FAM13B: variants seen among roughly 807,000 people sequenced by gnomAD.
FAM13B encodes family with sequence similarity 13 member B, also known as protein FAM13B.
In FAM13B, 60 loss-of-function variants were observed where a neutral mutation model predicts 117.3. That is an observed-to-expected ratio of 0.51 (90% CI 0.42 to 0.63). FAM13B has a LOEUF of 0.63. FAM13B is among the 30% of genes least tolerant of loss of function. The pLI is 0.00. For missense variants in FAM13B, 972 were observed against 1,091.9 expected (o/e 0.89, Z 1.55); for synonymous variants, 332 against 356.1 (o/e 0.93, Z 0.76).
At position 137,955,625 on chromosome 5, in the gene FAM13B, T is replaced by TTTTA. The variant is rs1457144103; in HGVS notation, c.1507+848_1507+851dup. Among the ~76,000 whole-genome samples the TTTTA allele has an allele frequency of 1.3e-3, 195 of 152,082 alleles. 2 individuals are homozygous for TTTTA. Among genetic ancestry groups the TTTTA allele is most frequent in the Admixed American group, 0.01 (159 of 15,268 alleles). On this transcript the variant is annotated intron_variant, in intron 14 of 23. Transcript: ENST00000689681. Reference sequence around the variant, plus strand: ...AAAAATTCCCATCTACACATTAGCTTTTTATTTATTTATTTATTTTTTTAG... The same window carrying TTTTA: ...AAAAATTCCCATCTACACATTAGCTTTTTATTTATTTATTTATTTATTTTTTTAG...
intron 17 of FAM13B, 52 bp from the exon 18 acceptor site, chr5:137,949,236 C>A (rs1345854917): frequency 2.8e-6 from 4 of 1,426,954 alleles, no homozygotes; most frequent in Non-Finnish European, 3.9e-6. Context: ...TAGCTTTGAC[C>A]GGGTCAAAGA....
At chr5:138,024,824 G>C (rs1458167533) in intron 1 of FAM13B, among the ~76,000 whole-genome samples, 11 of 150,292 alleles carry the variant, frequency 7.3e-5, no homozygotes, top group Non-Finnish European at 1.5e-5. Flanking sequence ...GAGAGAGAGA[G>C]AGAGAGAGAG....
chr5:138,041,805 G>GA (rs1791509262), intron 1 of FAM13B, among the ~76,000 whole-genome samples: 1 of 151,268 alleles, frequency 6.6e-6, no homozygotes, highest in Non-Finnish European at 1.5e-5. Flanking sequence ...GTGGTACTGA[G>GA]ACAGGAGAAT....
At chr5:137,995,280 T>C (rs1352504890) in intron 7 of FAM13B, among the ~76,000 whole-genome samples, 1 of 152,178 alleles carries the variant, frequency 6.6e-6, no homozygotes, top group African/African-American at 2.4e-5. Flanking sequence ...ACTTTGCAAC[T>C]TTTCAGGAGG....
At chr5:138,051,575 A>C (rs777766733) in intron 1 of FAM13B, among the ~76,000 whole-genome samples, 1 of 152,216 alleles carries the variant, frequency 6.6e-6, no homozygotes, top group Non-Finnish European at 1.5e-5. Flanking sequence ...TGTATTACTT[A>C]GTCAGTGAAT....
intron 7 of FAM13B, 103 bp downstream of exon 7, chr5:138,006,887 A>G (rs76367853): frequency 0.029 from 33,810 of 1,183,222 alleles, 635 homozygotes; most frequent in Non-Finnish European, 0.032. Flanking sequence ...CACAAATGCC[A>G]AACTTTCACA....
At chr5:137,962,100 G>T (rs1006893947) in intron 11 of FAM13B, among the ~76,000 whole-genome samples, 4 of 152,144 alleles carry the variant, frequency 2.6e-5, no homozygotes, top group Non-Finnish European at 5.9e-5. Flanking sequence ...TCACTGACAG[G>T]TATACTCAGA....
At chr5:138,025,338 T>C (rs1194387058) in intron 1 of FAM13B, among the ~76,000 whole-genome samples, 1 of 140,816 alleles carries the variant, frequency 7.1e-6, no homozygotes, top group African/African-American at 2.7e-5. Context: ...TTTTTTGAGT[T>C]GAGGTCTCAC....
At chr5:137,954,044 T>C in intron 15 of FAM13B, 122 bp downstream of exon 15, 70 of 397,716 alleles carry the variant, frequency 1.8e-4, no homozygotes, top group East Asian at 2.0e-4. Flanking sequence ...TCTCTCTCTT[T>C]TTTTTTTTTT....
chr5:137,967,204 C>A (rs575556817), intron 10 of FAM13B, among the ~76,000 whole-genome samples: 100 of 151,806 alleles, frequency 6.6e-4, no homozygotes, highest in Non-Finnish European at 9.3e-4. Flanking sequence ...TGCGACTGAT[C>A]GTTAAGAAAG....
chr5:138,023,112 C>T (rs1787218071), intron 1 of FAM13B, among the ~76,000 whole-genome samples: 1 of 152,108 alleles, frequency 6.6e-6, no homozygotes, highest in African/African-American at 2.4e-5. Context: ...AGTCAGGAGC[C>T]TATTATCTCA....
chr5:138,051,061 T>G (rs990083807), intron 1 of FAM13B, among the ~76,000 whole-genome samples: 1 of 152,192 alleles, frequency 6.6e-6, no homozygotes, highest in African/African-American at 2.4e-5. Flanking sequence ...CACTTCACCC[T>G]AATCTTCCTC....
intron 7 of FAM13B, among the ~76,000 whole-genome samples, chr5:138,000,094 T>C (rs912966241): frequency 8.5e-5 from 13 of 152,162 alleles, no homozygotes; most frequent in Non-Finnish European, 1.9e-4. Flanking sequence ...ATTACACTAA[T>C]ATGTGATAGG....
intron 1 of FAM13B, among the ~76,000 whole-genome samples, chr5:138,051,661 T>C (rs1269603135): frequency 2.6e-5 from 4 of 151,646 alleles, no homozygotes; most frequent in Non-Finnish European, 1.5e-5. Flanking sequence ...AACTATATAT[T>C]GAGCATCTGA....
chr5:137,969,958 T>A (rs1301446529), intron 10 of FAM13B, among the ~76,000 whole-genome samples: 1 of 152,076 alleles, frequency 6.6e-6, no homozygotes, highest in Non-Finnish European at 1.5e-5. Flanking sequence ...TATGGGACTA[T>A]GTGAAAAGAC....
At chr5:138,004,304 C>CTTCTAA (rs1561518307) in intron 7 of FAM13B, among the ~76,000 whole-genome samples, 8 of 151,734 alleles carry the variant, frequency 5.3e-5, no homozygotes, top group South Asian at 2.1e-4. Flanking sequence ...ACTAAATCTC[C>CTTCTAA]AATGACTGTG....
At position 137,938,012 on chromosome 5, in the gene FAM13B, C is replaced by T. The variant is rs1760642556; in HGVS notation, c.*2213G>A. ...AAAGTCTGTACAATGAAGTGCCAGA[C>T]ACAGCAATGCCATTATACTGGTGGA... On this transcript the variant is annotated 3_prime_UTR_variant, in exon 24 of 24. Transcript: ENST00000689681. 6.6e-6 allele frequency: 1 copy of T among 151,834 alleles called. No individual in the cohort carries two copies. Among genetic ancestry groups the T allele is most frequent in the Non-Finnish European group, 1.5e-5 (1 of 67,996 alleles). 9.4% of individuals were successfully genotyped at this position (151,834 alleles called of 1,614,324 possible).
At chr5:138,029,300 G>A (rs1224731549) in intron 1 of FAM13B, among the ~76,000 whole-genome samples, 1 of 152,148 alleles carries the variant, frequency 6.6e-6, no homozygotes, top group East Asian at 1.9e-4. Context: ...CCCCTTCTAG[G>A]CAACAACTAC....
intron 14 of FAM13B, among the ~76,000 whole-genome samples, chr5:137,955,214 T>C (rs572913639): frequency 4.0e-4 from 61 of 152,164 alleles, no homozygotes; most frequent in Admixed American, 2.0e-3. Flanking sequence ...TGGGAGCTGT[T>C]CCCCATGTTA....
Sources: allele counts gnomAD v4.1 joint callset (sites outside exome capture counted in the v4.1 genomes callset), GRCh38; gene constraint gnomAD v4.1.1; transcripts MANE v1.5; gene names NCBI Gene and HGNC (gene_info 2026-07-23, HGNC 2026-07-21).